Variants in CHN2 observed in about 807,000 individuals in gnomAD.
CHN2 encodes beta-chimaerin.
Under a neutral mutation model 56.3 loss-of-function variants are expected in CHN2, and 35 were observed. That is an observed-to-expected ratio of 0.62 (90% CI 0.47 to 0.82). The LOEUF (loss-of-function observed/expected upper bound fraction) is 0.82, where lower values mean the gene tolerates loss of function less well. CHN2 is among the 40% of genes least tolerant of loss of function. The pLI is 0.00. For synonymous variants in CHN2, 210 were observed against 212.8 expected, an observed-to-expected ratio of 0.99 and a Z score of 0.12; for missense variants, 491 against 580.5, an observed-to-expected ratio of 0.85 and a Z score of 1.58.
intron 1 of CHN2, among the ~76,000 whole-genome samples, chr7:29,293,183 C>T (rs1465537914): frequency 6.6e-6 from 1 of 152,192 alleles, no homozygotes; most frequent in Non-Finnish European, 1.5e-5. Context: ...ATTGTCCCTG[C>T]TGCTGCCTAA....
chr7:29,337,536 G>A (rs992790517), intron 1 of CHN2, among the ~76,000 whole-genome samples: 17 of 152,128 alleles, frequency 1.1e-4, no homozygotes, highest in African/African-American at 3.1e-4. Context: ...TTTCTCTTGC[G>A]GAAATCATTG....
intron 6 of CHN2, among the ~76,000 whole-genome samples, chr7:29,459,678 G>T (rs984454929): frequency 6.6e-6 from 1 of 152,146 alleles, no homozygotes; most frequent in African/African-American, 2.4e-5. Context: ...CCTCTGTTAC[G>T]ACAGCCACCT....
At position 29,222,898 on chromosome 7, in the gene CHN2, A is replaced by G. The variant is rs141991737; in HGVS notation, c.49+27908A>G. On this transcript the variant is annotated intron_variant, in intron 1 of 12. Coordinates refer to ENST00000222792, the MANE Select transcript of CHN2 (RefSeq NM_004067.4). Reference sequence around the variant, plus strand: ...TAGTATGATATTGGCTCAAGGATACATGAATAGAGCAAAGGAATAGAATAG... The same window carrying G: ...TAGTATGATATTGGCTCAAGGATACGTGAATAGAGCAAAGGAATAGAATAG... Among the ~76,000 whole-genome samples the G allele has an allele frequency of 1.5e-3, 235 of 152,330 alleles. 1 individual carries two copies. The highest frequency in any genetic ancestry group is 5.3e-3 in the African/African-American group (220 of 41,578).
intron 3 of CHN2, among the ~76,000 whole-genome samples, chr7:29,373,866 G>T (rs940053169): frequency 6.6e-6 from 1 of 152,046 alleles, no homozygotes; most frequent in Non-Finnish European, 1.5e-5. Flanking sequence ...AACTCTAAGG[G>T]ATTTTCTACC....
chr7:29,454,944 ACCCCT>A (rs1218173341), intron 6 of CHN2, among the ~76,000 whole-genome samples: 1 of 151,668 alleles, frequency 6.6e-6, no homozygotes, highest in Non-Finnish European at 1.5e-5. Flanking sequence ...ATTGTAAACA[ACCCCT>A]TAAAATATGA....
intron 1 of CHN2, among the ~76,000 whole-genome samples, chr7:29,349,484 C>T (rs1195090408): frequency 6.6e-6 from 1 of 152,180 alleles, no homozygotes; most frequent in Non-Finnish European, 1.5e-5. Context: ...AGGCTATGCT[C>T]TCAACCGCAA....
chr7:29,479,990 C>T (rs950174412), intron 6 of CHN2: 10 of 1,476,902 alleles, frequency 6.8e-6, no homozygotes, highest in African/African-American at 1.4e-5. Context: ...GAGGCTGCTG[C>T]AGACAGGACC....
chr7:29,426,378 A>C (rs2128109715), intron 6 of CHN2, among the ~76,000 whole-genome samples: 1 of 152,284 alleles, frequency 6.6e-6, no homozygotes, highest in African/African-American at 2.4e-5. Context: ...AAGTGGAAAT[A>C]TTTATAAGGA....
chr7:29,499,777 T>G, intron 8 of CHN2, 90 bp from the exon 9 acceptor site: 1 of 1,198,122 alleles, frequency 8.3e-7, no homozygotes, highest in Non-Finnish European at 1.2e-6. Flanking sequence ...AACCCTTGGG[T>G]GGTGATATTT....
At chr7:29,391,088 A>G (rs1326453248) in intron 3 of CHN2, among the ~76,000 whole-genome samples, 4 of 152,126 alleles carry the variant, frequency 2.6e-5, no homozygotes, top group African/African-American at 9.7e-5. Flanking sequence ...CTTTGACATT[A>G]ACAAGGACAC....
At chr7:29,263,561 G>A (rs1043568200) in intron 1 of CHN2, among the ~76,000 whole-genome samples, 9 of 151,888 alleles carry the variant, frequency 5.9e-5, no homozygotes, top group African/African-American at 1.2e-4. Flanking sequence ...CTTTCCAGCC[G>A]CCACCCTGTC....
At chr7:29,197,623 C>A (rs1311820535) in intron 1 of CHN2, among the ~76,000 whole-genome samples, 1 of 152,218 alleles carries the variant, frequency 6.6e-6, no homozygotes, top group Non-Finnish European at 1.5e-5. Context: ...CAATCCACTT[C>A]TTTCATCACA....
intron 1 of CHN2, among the ~76,000 whole-genome samples, chr7:29,322,073 C>A (rs563807008): frequency 1.3e-5 from 2 of 152,222 alleles, no homozygotes; most frequent in African/African-American, 4.8e-5. Context: ...GCTTCCCATC[C>A]CAGAGAATTA....
At chr7:29,440,135 A>G (rs769962687) in intron 6 of CHN2, among the ~76,000 whole-genome samples, 8 of 152,204 alleles carry the variant, frequency 5.3e-5, no homozygotes, top group Non-Finnish European at 8.8e-5. Context: ...CAAATTCTGA[A>G]AAACAACAAA....
intron 1 of CHN2, among the ~76,000 whole-genome samples, chr7:29,306,170 T>C (rs1322918775): frequency 6.6e-6 from 1 of 152,228 alleles, no homozygotes; most frequent in African/African-American, 2.4e-5. Context: ...TTCATTGATT[T>C]ACTCAATAGC....
intron 12 of CHN2, among the ~76,000 whole-genome samples, chr7:29,510,653 CA>C (rs1411838836): frequency 1.3e-5 from 2 of 152,150 alleles, no homozygotes; most frequent in Non-Finnish European, 2.9e-5. Context: ...TCTCTCAGAA[CA>C]AAAAAGCAAG....
chr7:29,454,373 A>G (rs1373517528), intron 6 of CHN2, among the ~76,000 whole-genome samples: 3 of 152,240 alleles, frequency 2.0e-5, no homozygotes, highest in Admixed American at 6.5e-5. Context: ...CAGTATGGCT[A>G]CAATACCAGG....
intron 1 of CHN2, among the ~76,000 whole-genome samples, chr7:29,243,874 T>A (rs75406469): frequency 6.6e-6 from 1 of 152,214 alleles, no homozygotes; most frequent in African/African-American, 2.4e-5. Flanking sequence ...TATTTTTAGA[T>A]GTCAAAGTGC....
intron 2 of CHN2, among the ~76,000 whole-genome samples, chr7:29,359,528 C>T (rs549011946): frequency 6.6e-6 from 1 of 152,052 alleles, no homozygotes; most frequent in Non-Finnish European, 1.5e-5. Flanking sequence ...AGTCCCTGCC[C>T]TCTCTGTTCC....
Sources: allele counts gnomAD v4.1 joint callset (sites outside exome capture counted in the v4.1 genomes callset), GRCh38; gene constraint gnomAD v4.1.1; transcripts MANE v1.5; gene names NCBI Gene and HGNC (gene_info 2026-07-23, HGNC 2026-07-21).